SYDE2: variants seen among roughly 807,000 people sequenced by gnomAD.
The protein encoded by SYDE2 is rho GTPase-activating protein SYDE2.
Under a neutral mutation model 91.5 loss-of-function variants are expected in SYDE2, and 76 were observed. That is an observed-to-expected ratio of 0.83 (90% CI 0.69 to 1.01). SYDE2 has a LOEUF of 1.01. Ranked by LOEUF, SYDE2 falls within the 50% of genes least tolerant of loss-of-function variation. The pLI is 0.00. For synonymous variants in SYDE2, 513 were observed against 506.4 expected (o/e 1.01, Z -0.18); for missense variants, 1,364 against 1,367.7 (o/e 1.00, Z 0.04).
chr1:85,191,906 A>G (rs567618660), intron 1 of SYDE2, among the ~76,000 whole-genome samples: 4 of 152,308 alleles, frequency 2.6e-5, no homozygotes, highest in Admixed American at 2.6e-4. Flanking sequence ...AGAGTTGTAA[A>G]GCAGGCTTCA....
chr1:85,191,617 G>T (rs1263910326), intron 1 of SYDE2, among the ~76,000 whole-genome samples: 1 of 152,028 alleles, frequency 6.6e-6, no homozygotes, highest in Non-Finnish European at 1.5e-5. Context: ...AATTAGCCGG[G>T]CATGGTGGCA....
chr1:85,180,387 T>C (rs926968742), intron 3 of SYDE2, among the ~76,000 whole-genome samples: 1 of 151,882 alleles, frequency 6.6e-6, no homozygotes, highest in Non-Finnish European at 1.5e-5. Context: ...AAAACAAAAA[T>C]GTCTTTAAAA....
At chr1:85,155,009 C>CAAAAAAAAAAAAAAAAAAAA, downstream of SYDE2, among the ~76,000 whole-genome samples, 19 of 80,644 alleles carry the variant, frequency 2.4e-4, no homozygotes, top group South Asian at 4.2e-4. Context: ...AAGAATGCAG[C>CAAAAAAAAAAAAAAAAAAAA]AAAAAAAAAA....
intron 6 of SYDE2, among the ~76,000 whole-genome samples, chr1:85,163,445 C>CTATCTATATATA (rs1174209275): frequency 1.0e-4 from 9 of 87,608 alleles, no homozygotes; most frequent in East Asian, 3.7e-4. Flanking sequence ...GTACTTTAAT[C>CTATCTATATATA]TATATATATA....
chr1:85,182,360 T>C lies in SYDE2; in HGVS notation c.2282A>G (p.His761Arg). ...PTPRKNRVCC[H>R]GTVVLPTLFR... is the part of the protein sequence containing the mutation. The stretch of plus-strand genomic sequence containing the variant: ...TAAGGTGGGAAGAACAACAGTTCCA[T>C]GACAACAAACTCGATTTTTTCTTGG... The change falls in exon 3 of 7, where the codon CAT (histidine) becomes CGT (arginine). Residue 761 changes from histidine (H) to arginine (R), a missense_variant. Physicochemically the swap from His to Arg is conservative, Grantham distance 29. Coordinates refer to ENST00000341460, the MANE Select transcript of SYDE2 (RefSeq NM_032184.2). 6.2e-7 allele frequency: 1 copy of C among 1,613,928 alleles called. No individual in the cohort carries two copies. Among genetic ancestry groups the C allele is most frequent in the Non-Finnish European group, 8.5e-7 (1 of 1,179,848 alleles).
intron 1 of SYDE2, 193 bp downstream of exon 1, chr1:85,200,059 A>T: frequency 1.2e-6 from 1 of 846,294 alleles, no homozygotes; most frequent in African/African-American, 1.8e-5. Context: ...AAGAAAAAAA[A>T]AAGCAAAACG....
chr1:85,190,575 C>T lies in SYDE2; in HGVS notation c.923G>A (p.Cys308Tyr), dbSNP rs1194287669. 1 of 1,613,934 alleles carries T rather than the reference C, an allele frequency of 6.2e-7. No individual in the cohort carries two copies. Among genetic ancestry groups the T allele is most frequent in the East Asian group, 2.2e-5 (1 of 44,870 alleles). Reference sequence around the variant, plus strand: ...GATGGATAAATGACTTCTATCTTGGCATTTCTTATTTTCTTCTTCCAGATT... The same window carrying T: ...GATGGATAAATGACTTCTATCTTGGTATTTCTTATTTTCTTCTTCCAGATT... ...PLNLEEENKKCQDRSHLSISP... is the reference protein window; with the variant it reads ...PLNLEEENKKYQDRSHLSISP... The change falls in exon 2 of 7, where the codon TGC (cysteine) becomes TAC (tyrosine). Residue 308 changes from cysteine (C) to tyrosine (Y), a missense_variant. Cys to Tyr is a radical substitution (Grantham distance 194, BLOSUM62 -2). Coordinates refer to ENST00000341460, the MANE Select transcript of SYDE2 (RefSeq NM_032184.2).
chr1:85,191,795 C>A (rs111579146), intron 1 of SYDE2, among the ~76,000 whole-genome samples: 1 of 151,464 alleles, frequency 6.6e-6, no homozygotes, highest in African/African-American at 2.4e-5. Flanking sequence ...CAATGGGAGA[C>A]CTCAAATGCT....
chr1:85,197,645 TTTTATTTA>T (rs756290989), intron 1 of SYDE2, among the ~76,000 whole-genome samples: 10 of 152,136 alleles, frequency 6.6e-5, no homozygotes, highest in African/African-American at 2.4e-4. Flanking sequence ...CTTTTTTAAA[TTTTATTTA>T]TTTATTTATT....
At chr1:85,194,837 A>G (rs899474205) in intron 1 of SYDE2, 1 of 985,254 alleles carries the variant, frequency 1.0e-6, no homozygotes, top group Non-Finnish European at 1.2e-6. Flanking sequence ...AAATTTTCCA[A>G]GAAATTATAT....
At chr1:85,200,183 T>C in intron 1 of SYDE2, 69 bp downstream of exon 1, 1 of 1,606,104 alleles carries the variant, frequency 6.2e-7, no homozygotes, top group Non-Finnish European at 8.5e-7. Flanking sequence ...TCTTGGCTCT[T>C]AAGACAGAAG....
rs1656966471 is a variant in SYDE2 at position 85,159,011 on chromosome 1, A to T, written c.3324T>A (p.Asn1108Lys). 2.6e-6 allele frequency: 2 copies of T among 780,762 alleles called. No individual in the cohort carries two copies. Among genetic ancestry groups the T allele is most frequent in the Middle Eastern group, 4.5e-4 (2 of 4,442 alleles). The allele number at this position is 780,762 out of a possible 1,614,324, so 48.4% of individuals were successfully genotyped here. A position where few individuals can be genotyped will look rare whatever the true frequency, so the allele number is the denominator to read the frequency against. The change falls in exon 7 of 7, where the codon AAT becomes AAA. Residue 1108 changes from asparagine (N) to lysine (K), a missense_variant. Coordinates refer to ENST00000341460, the MANE Select transcript of SYDE2 (RefSeq NM_032184.2). ...AAGGGACATCATCATAATCCACATC[A>T]TTTAAATTTTCTTTTGTATTTAAAA... is the stretch of plus-strand genomic sequence containing the variant. ...NYFLNTKENLNDVDYDDVPSE... is the reference protein window; with the variant it reads ...NYFLNTKENLKDVDYDDVPSE...
At chr1:85,194,795 T>A (rs1658514637) in intron 1 of SYDE2, 3 of 980,690 alleles carry the variant, frequency 3.1e-6, no homozygotes, top group African/African-American at 1.8e-5. Flanking sequence ...ACTGAACATT[T>A]AACTAGTGCC....
At chr1:85,191,752 C>T (rs1286576163) in intron 1 of SYDE2, among the ~76,000 whole-genome samples, 13 of 130,902 alleles carry the variant, frequency 9.9e-5, no homozygotes, top group Non-Finnish European at 4.8e-5. Flanking sequence ...AGCGAGATTC[C>T]GTCTCAAAAA....
rs1261113845 is a variant in SYDE2, at chr1:85,159,086, T to C, written c.3249A>G (p.Pro1083=). 3 of 780,774 alleles carry C rather than the reference T, an allele frequency of 3.8e-6. No homozygotes were observed. The highest frequency in any genetic ancestry group is 2.4e-5 in the East Asian group (1 of 41,258). 48.4% of individuals were successfully genotyped at this position (780,774 alleles called of 1,614,324 possible). A position where few individuals can be genotyped will look rare whatever the true frequency, so the allele number is the denominator to read the frequency against. ...AGTCTCCTGCATAACGATTGCTAAG[T>C]GGACTGTCTAATCGGTTTTGCCTTG... ...LRPRQNRLDS[P]LSNRYAGDWS... The change falls in exon 7 of 7, where the codon CCA becomes CCG. Residue 1083 remains proline (P), a synonymous_variant. Transcript: ENST00000341460.
rs370148285 is a variant in SYDE2 at position 85,178,219 on chromosome 1, T to A, written c.2598A>T (p.Arg866=). The stretch of plus-strand genomic sequence containing the variant: ...CTTTGCTATCTCTCTCAAAAGCCTC[T>A]CGCAGTTCTTTCTTGACTGCTGCCG... ...CGSAAVKKEL[R]EAFERDSKAV... The change falls in exon 4 of 7, where the codon CGA becomes CGT. Residue 866 remains arginine, a synonymous_variant. Transcript: ENST00000341460. 9 of 1,584,654 alleles carry A rather than the reference T, an allele frequency of 5.7e-6. No homozygotes were observed. In the African/African-American group the frequency reaches 1.2e-4, roughly 21 times the overall value.
intron 3 of SYDE2, chr1:85,181,456 A>G (rs981149939): frequency 2.0e-5 from 3 of 152,024 alleles, no homozygotes; most frequent in African/African-American, 7.3e-5. Flanking sequence ...CAGCCACTCC[A>G]TCTATTTTTA....
At chr1:85,167,557 C>G (rs1323159325) in intron 5 of SYDE2, among the ~76,000 whole-genome samples, 1 of 152,084 alleles carries the variant, frequency 6.6e-6, no homozygotes, top group Admixed American at 6.5e-5. Flanking sequence ...CTCAAGCCAT[C>G]CTTTTACCTC....
Position 85,179,658 on chromosome 1 carries a change from T to C in SYDE2, c.2545-1386A>G, listed in dbSNP as rs139801579. On this transcript the variant is annotated intron_variant, in intron 3 of 6. Coordinates refer to ENST00000341460, the MANE Select transcript of SYDE2 (RefSeq NM_032184.2). The stretch of plus-strand genomic sequence containing the variant: ...AATGAGTTATGCTGATCACATCATC[T>C]CAAGAAAGACACAGTAGAAATGTAG... Among the ~76,000 whole-genome samples the C allele has an allele frequency of 7.5e-3, 1,144 of 152,226 alleles. 5 individuals are homozygous for C. The highest frequency in any genetic ancestry group is 0.013 in the Non-Finnish European group (858 of 68,012).
Sources: gnomAD v4.1 joint callset for allele counts (sites outside exome capture counted in the v4.1 genomes callset) on GRCh38, gnomAD v4.1.1 for gene constraint, MANE v1.5 for transcripts, NCBI Gene and HGNC (gene_info 2026-07-23, HGNC 2026-07-21) for gene names.